The following HIVEP3 variants were observed in gnomAD, a reference collection of about 807,000 sequenced individuals.
HIVEP3 encodes transcription factor HIVEP3.
In HIVEP3, 49 loss-of-function variants were observed where a neutral mutation model predicts 152.8. The ratio of observed to expected loss-of-function variants is 0.32; its 90% confidence interval spans 0.26 to 0.41. The LOEUF (loss-of-function observed/expected upper bound fraction) is 0.41. Ranked by LOEUF, HIVEP3 falls within the 10% of genes least tolerant of loss-of-function variation. The pLI, the probability that HIVEP3 is intolerant of heterozygous loss-of-function variation, is 1.00. For synonymous variants in HIVEP3, 1,269 were observed against 1,289.0 expected (o/e 0.98, Z 0.33); for missense variants, 2,790 against 3,103.3 (o/e 0.90, Z 2.40).
chr1:41,984,403 G>C (rs1382751270), intron 1 of HIVEP3, among the ~76,000 whole-genome samples: 1 of 152,020 alleles, frequency 6.6e-6, no homozygotes, highest in East Asian at 1.9e-4. Flanking sequence ...GACCTGAATG[G>C]GGGAAAAAAG....
At position 41,580,565 on chromosome 1, in the gene HIVEP3, T is replaced by G; in HGVS notation, c.4233A>C (p.Ser1411=). 6.2e-7 allele frequency: 1 copy of G among 1,614,214 alleles called. No homozygotes were observed. The highest frequency in any genetic ancestry group is 2.2e-5 in the East Asian group (1 of 44,884). ...CCTCCAGGCTCAAGATACTCTCTGA[T>G]GACAGGGAAGTGCCTTTTCTTTCAG... The part of the protein sequence containing the change: ...TLPERKGTSL[S]SESILSLEGS... Residue 1411 remains serine (S), a synonymous_variant, in exon 4 of 9, where the codon TCA becomes TCC. Transcript: ENST00000372583.
intron 1 of HIVEP3, among the ~76,000 whole-genome samples, chr1:41,813,841 T>C (rs349442): frequency 0.8 from 121,073 of 152,140 alleles, 48,338 homozygotes; most frequent in East Asian, 1. Flanking sequence ...GACTAGCCAT[T>C]CCACAGACCA....
chr1:41,825,860 G>A (rs926546410), intron 1 of HIVEP3, among the ~76,000 whole-genome samples: 3 of 151,948 alleles, frequency 2.0e-5, no homozygotes, highest in African/African-American at 4.8e-5. Flanking sequence ...TGCCCACTTC[G>A]GCCTCCCAAA....
intron 3 of HIVEP3, among the ~76,000 whole-genome samples, chr1:41,618,163 C>G (rs527955598): frequency 1.1e-4 from 17 of 152,342 alleles, no homozygotes; most frequent in Middle Eastern, 3.4e-3. Context: ...GGGCCATTAT[C>G]TGGGAAGGGA....
At chr1:41,920,764 T>C (rs1352416409), upstream of HIVEP3, among the ~76,000 whole-genome samples, 1 of 152,198 alleles carries the variant, frequency 6.6e-6, no homozygotes, top group Non-Finnish European at 1.5e-5. Flanking sequence ...GCTTTGTAAC[T>C]TGGCTTTGCA....
chr1:42,025,837 A>G (rs1328043232), intron 1 of HIVEP3, among the ~76,000 whole-genome samples: 1 of 152,198 alleles, frequency 6.6e-6, no homozygotes, highest in Non-Finnish European at 1.5e-5. Context: ...TGGGAGGCTG[A>G]GCAGAACAGA....
chr1:41,951,003 T>C (rs780301595), intron 1 of HIVEP3, among the ~76,000 whole-genome samples: 14 of 152,224 alleles, frequency 9.2e-5, no homozygotes, highest in Non-Finnish European at 1.6e-4. Context: ...ATTTGAACTT[T>C]AAGGAAGAAA....
At chr1:42,029,300 C>T (rs533136698) in intron 1 of HIVEP3, among the ~76,000 whole-genome samples, 7 of 152,252 alleles carry the variant, frequency 4.6e-5, no homozygotes, top group Admixed American at 4.6e-4. Context: ...CAACTTTTAA[C>T]CATGAGAGAC....
In HIVEP3 at chr1:41,939,319, C is replaced by T. The variant is rs183170139; in HGVS notation, n.120-20795G>A. On this transcript the variant is annotated intron_variant and non_coding_transcript_variant, in intron 1 of 3. Transcript: ENST00000489103. ...CATTTCATTTTTTAAAGAATGAAAA[C>T]CACTTTGTTAGTGAACTCCAGAATT... Among the ~76,000 whole-genome samples the T allele has an allele frequency of 2.4e-3, 372 of 152,216 alleles. 2 individuals carry two copies. The highest frequency in any genetic ancestry group is 8.5e-3 in the African/African-American group (353 of 41,530).
chr1:41,943,896 A>G (rs1645060227), intron 1 of HIVEP3, among the ~76,000 whole-genome samples: 1 of 152,264 alleles, frequency 6.6e-6, no homozygotes, highest in Non-Finnish European at 1.5e-5. Context: ...GAATGGATAA[A>G]TAAAATGTGG....
rs1337441046 is a variant in HIVEP3, at chr1:41,507,007, T to C, written c.*3444A>G. On this transcript the variant is annotated 3_prime_UTR_variant, in exon 9 of 9. Coordinates refer to ENST00000372583, the MANE Select transcript of HIVEP3 (RefSeq NM_024503.5). ...CTGGATTCACAACACAGAAGCAGAA[T>C]TGGTGGAACAGGCTTTCGGGAACTT... The C allele has an allele frequency of 6.6e-6, 1 of 151,910 alleles. No homozygotes were observed. Among genetic ancestry groups the C allele is most frequent in the African/African-American group, 2.4e-5 (1 of 41,322 alleles). The allele number at this position is 151,910 out of a possible 1,614,324, so 9.4% of individuals were successfully genotyped here. A position where few individuals can be genotyped will look rare whatever the true frequency, so the allele number is the denominator to read the frequency against.
At chr1:41,614,245 AAATAT>A (rs1644936414) in intron 3 of HIVEP3, among the ~76,000 whole-genome samples, 1 of 152,226 alleles carries the variant, frequency 6.6e-6, no homozygotes, top group South Asian at 2.1e-4. Context: ...AGCTGCCTGA[AAATAT>A]AATTATCTGG....
chr1:41,774,808 A>T (rs902279706), intron 1 of HIVEP3, among the ~76,000 whole-genome samples: 2 of 149,748 alleles, frequency 1.3e-5, no homozygotes, highest in African/African-American at 5.0e-5. Context: ...TTATTTATTT[A>T]TTTTTTGAGA....
At chr1:41,553,029 C>A (rs912750676) in intron 5 of HIVEP3, among the ~76,000 whole-genome samples, 1 of 152,198 alleles carries the variant, frequency 6.6e-6, no homozygotes, top group Non-Finnish European at 1.5e-5. Context: ...TGGTGCAGAC[C>A]TGAGTTCACG....
intron 2 of HIVEP3, among the ~76,000 whole-genome samples, chr1:41,672,876 A>T (rs998442474): frequency 6.6e-6 from 1 of 152,244 alleles, no homozygotes; most frequent in African/African-American, 2.4e-5. Flanking sequence ...AGATTTGCAA[A>T]TAGATTCTAC....
At chr1:41,889,229 T>C (rs1000625167) in intron 1 of HIVEP3, among the ~76,000 whole-genome samples, 2 of 150,966 alleles carry the variant, frequency 1.3e-5, no homozygotes, top group African/African-American at 2.4e-5. Context: ...ACCCCACACC[T>C]CACACAGTCC....
rs1366384470 is a variant in HIVEP3 at position 41,939,485 on chromosome 1, T to A, written n.120-20961A>T. Among the ~76,000 whole-genome samples, 4 of 152,338 alleles carry A rather than the reference T, an allele frequency of 2.6e-5. No homozygotes were observed. In the East Asian group the frequency reaches 7.7e-4, roughly 29 times the overall value. On this transcript the variant is annotated intron_variant and non_coding_transcript_variant, in intron 1 of 3. Coordinates refer to the HIVEP3 transcript ENST00000489103. ...GAAAGTGCTTAGTCCTTTTTCTTTT[T>A]ATTTTTCCTTCTCCCACTTTGATCT...
At chr1:41,890,455 T>C (rs1400653760) in intron 1 of HIVEP3, among the ~76,000 whole-genome samples, 1 of 152,236 alleles carries the variant, frequency 6.6e-6, no homozygotes. Context: ...ACAGGCACTG[T>C]GACAGCCCTT....
At chr1:41,887,783 T>C (rs113384295) in intron 1 of HIVEP3, among the ~76,000 whole-genome samples, 70 of 152,294 alleles carry the variant, frequency 4.6e-4, no homozygotes, top group African/African-American at 1.3e-3. Flanking sequence ...AACAATATAA[T>C]TGAATCTGGT....
Sources: allele counts gnomAD v4.1 joint callset (sites outside exome capture counted in the v4.1 genomes callset), GRCh38; gene constraint gnomAD v4.1.1; transcripts MANE v1.5; gene names NCBI Gene and HGNC (gene_info 2026-07-23, HGNC 2026-07-21).